Variants in SCP2 observed in about 807,000 individuals in gnomAD.
SCP2 encodes the protein sterol carrier protein 2.
Under a neutral mutation model 71.4 loss-of-function variants are expected in SCP2, and 48 were observed. The observed-to-expected ratio is 0.67, with a 90% CI of 0.53 to 0.86. The LOEUF is 0.86. Ranked by LOEUF, SCP2 falls within the 40% of genes least tolerant of loss-of-function variation. The probability of loss-of-function intolerance (pLI) is 0.00; values close to 1 mark genes in which losing one functional copy is unlikely to be tolerated. For missense variants in SCP2, 560 were observed against 655.6 expected (o/e 0.85, Z 1.59); for synonymous variants, 220 against 218.1 (o/e 1.01, Z -0.08).
At chr1:52,965,970 T>G (rs1183410954) in intron 6 of SCP2, among the ~76,000 whole-genome samples, 1 of 152,084 alleles carries the variant, frequency 6.6e-6, no homozygotes. Context: ...TATATTAATC[T>G]TATGACTTGC....
chr1:52,937,946 G>A (rs1199223290), intron 1 of SCP2, among the ~76,000 whole-genome samples: 3 of 152,192 alleles, frequency 2.0e-5, no homozygotes, highest in African/African-American at 7.2e-5. Context: ...TGTTAAAAGG[G>A]GGGTGGGTTA....
At chr1:52,947,861 G>A (rs1194253553) in intron 2 of SCP2, 148 bp from the exon 3 acceptor site, 5 of 665,976 alleles carry the variant, frequency 7.5e-6, no homozygotes, top group Middle Eastern at 4.0e-4. Context: ...AAGTAGAGAT[G>A]TGACATGATT....
In SCP2 at chr1:53,015,026, T is replaced by G. The variant is rs758417010; in HGVS notation, c.1218T>G (p.Gly406=). The change falls in exon 12 of 16, where the codon GGT becomes GGG. Residue 406 remains glycine (G), a synonymous_variant. Coordinates refer to ENST00000371514, the MANE Select transcript of SCP2 (RefSeq NM_002979.5). ...TGGTTGTAACACTCTACAAGATGGG[T>G]TTTCCGGAAGCCGCCAGGTGAGTGA... ...GAVVVTLYKM[G]FPEAASSFRT... 10 of 1,613,922 alleles carry G rather than the reference T, an allele frequency of 6.2e-6. No homozygotes were observed. The highest frequency in any genetic ancestry group is 1.1e-5 in the South Asian group (1 of 91,072).
chr1:52,998,075 C>T (rs1046602046), intron 11 of SCP2, among the ~76,000 whole-genome samples: 4 of 152,128 alleles, frequency 2.6e-5, no homozygotes, highest in African/African-American at 9.7e-5. Flanking sequence ...TTCTTTTTAT[C>T]AGTAGTTCTT....
intron 10 of SCP2, among the ~76,000 whole-genome samples, chr1:52,982,905 T>G (rs1658662436): frequency 6.6e-6 from 1 of 152,224 alleles, no homozygotes; most frequent in Non-Finnish European, 1.5e-5. Flanking sequence ...GAAAAAGTAT[T>G]TTATACTTAT....
chr1:53,050,026 A>T (rs1169924533), intron 15 of SCP2: 6 of 152,326 alleles, frequency 3.9e-5, no homozygotes, highest in Non-Finnish European at 2.9e-5. Context: ...AATTTAGCAA[A>T]CATCATGTGA....
At chr1:53,029,991 C>T (rs531469427) in intron 13 of SCP2, among the ~76,000 whole-genome samples, 44 of 152,128 alleles carry the variant, frequency 2.9e-4, no homozygotes, top group Admixed American at 2.5e-3. Flanking sequence ...CGGGTTCAAG[C>T]GATTCTCGTG....
At chr1:53,043,950 G>A (rs1372786681) in intron 14 of SCP2, among the ~76,000 whole-genome samples, 1 of 152,156 alleles carries the variant, frequency 6.6e-6, no homozygotes, top group East Asian at 1.9e-4. Context: ...TTGAATCTCA[G>A]TCTTTTTAGG....
chr1:52,960,534 A>ATATG (rs1656273944), intron 5 of SCP2, among the ~76,000 whole-genome samples: 2 of 143,354 alleles, frequency 1.4e-5, no homozygotes, highest in South Asian at 4.4e-4. Context: ...GTGTGTATAT[A>ATATG]TATGTATGTA....
intron 12 of SCP2, among the ~76,000 whole-genome samples, chr1:53,024,093 T>C (rs1361706390): frequency 6.6e-6 from 1 of 152,222 alleles, no homozygotes; most frequent in Non-Finnish European, 1.5e-5. Flanking sequence ...CCTGTTCTGA[T>C]TTGTTCATCT....
intron 11 of SCP2, among the ~76,000 whole-genome samples, chr1:52,989,440 C>T (rs887920102): frequency 4.6e-5 from 7 of 152,196 alleles, no homozygotes; most frequent in Non-Finnish European, 1.0e-4. Flanking sequence ...GGCATTTTCA[C>T]CTGCCTTAAC....
intron 6 of SCP2, 132 bp from the exon 7 acceptor site, chr1:52,974,637 C>A (rs2150163042): frequency 1.4e-6 from 1 of 718,506 alleles, no homozygotes. Context: ...GTGCTGAAGT[C>A]TTTAATACTG....
chr1:52,929,234 G>A (rs1428581291), intron 1 of SCP2, among the ~76,000 whole-genome samples: 1 of 131,858 alleles, frequency 7.6e-6, no homozygotes, highest in African/African-American at 2.9e-5. Flanking sequence ...GTTTTGCTCT[G>A]TCAACCAGAT....
rs189617324 is a variant in SCP2, at chr1:52,964,753, G to A, written c.523+3124G>A. Among the ~76,000 whole-genome samples, 987 of 152,000 alleles carry A rather than the reference G, an allele frequency of 6.5e-3. 14 individuals carry two copies. Among genetic ancestry groups the A allele is most frequent in the African/African-American group, 0.023 (948 of 41,462 alleles). ...TGTAAGGCTGGGTGCTGTGGCTCACGCCTGTAATCCCAGCACTTTGGGAGG... is the reference window on the plus strand; with the variant it reads ...TGTAAGGCTGGGTGCTGTGGCTCACACCTGTAATCCCAGCACTTTGGGAGG... On this transcript the variant is annotated intron_variant, in intron 6 of 15. Transcript: ENST00000371514.
At chr1:53,003,131 T>C (rs1660421974) in intron 11 of SCP2, among the ~76,000 whole-genome samples, 1 of 152,210 alleles carries the variant, frequency 6.6e-6, no homozygotes, top group Non-Finnish European at 1.5e-5. Context: ...CCAGGACAAA[T>C]GGAGCCCAGG....
chr1:52,966,078 G>A (rs760634858), intron 6 of SCP2, among the ~76,000 whole-genome samples: 9 of 152,110 alleles, frequency 5.9e-5, no homozygotes, highest in Non-Finnish European at 8.8e-5. Flanking sequence ...TCTACAAAAA[G>A]AGATGGTTTT....
chr1:53,013,696 G>T (rs1023744420), intron 11 of SCP2, among the ~76,000 whole-genome samples: 12 of 151,894 alleles, frequency 7.9e-5, no homozygotes, highest in African/African-American at 2.9e-4. Context: ...TAAGATACAT[G>T]GTCTGTAAAT....
intron 11 of SCP2, among the ~76,000 whole-genome samples, chr1:53,005,453 G>C (rs896848269): frequency 4.6e-5 from 7 of 152,192 alleles, no homozygotes; most frequent in African/African-American, 1.4e-4. Context: ...AGCAACATTT[G>C]CTGTTCTGCA....
chr1:52,965,281 GT>G (rs890939253), intron 6 of SCP2, among the ~76,000 whole-genome samples: 3 of 151,166 alleles, frequency 2.0e-5, no homozygotes. Flanking sequence ...GGTTTTTTTT[GT>G]TTTCTCCATT....
Sources: gnomAD v4.1 joint callset for allele counts (sites outside exome capture counted in the v4.1 genomes callset) on GRCh38, gnomAD v4.1.1 for gene constraint, MANE v1.5 for transcripts, NCBI Gene and HGNC (gene_info 2026-07-23, HGNC 2026-07-21) for gene names.